The following KALRN variants were observed in gnomAD, a reference collection of about 807,000 sequenced individuals.
KALRN encodes kalirin.
Under a neutral mutation model 353.7 loss-of-function variants are expected in KALRN, and 70 were observed. The ratio of observed to expected loss-of-function variants is 0.20; its 90% confidence interval spans 0.16 to 0.24. The LOEUF (loss-of-function observed/expected upper bound fraction) is 0.24. Ranked by LOEUF, KALRN falls within the 10% of genes least tolerant of loss-of-function variation. KALRN has a pLI of 1.00. For synonymous variants in KALRN, 1,391 were observed against 1,434.8 expected (o/e 0.97, Z 0.69); for missense variants, 2,791 against 3,756.7 (o/e 0.74, Z 6.72).
At chr3:124,572,855 G>A (rs2073695473) in intron 34 of KALRN, among the ~76,000 whole-genome samples, 1 of 152,104 alleles carries the variant, frequency 6.6e-6, no homozygotes, top group Admixed American at 6.5e-5. Flanking sequence ...CTGGGCAACA[G>A]AGCGAGACCC....
intron 4 of KALRN, among the ~76,000 whole-genome samples, chr3:124,267,302 T>G (rs1250415984): frequency 6.6e-6 from 1 of 152,218 alleles, no homozygotes; most frequent in Admixed American, 6.5e-5. Flanking sequence ...TCAAGTTTAA[T>G]GCACACAAAT....
At chr3:124,464,971 C>T (rs886340882) in intron 25 of KALRN, among the ~76,000 whole-genome samples, 14 of 151,724 alleles carry the variant, frequency 9.2e-5, no homozygotes, top group Non-Finnish European at 1.8e-4. Context: ...GCATAGCATA[C>T]TTAATATTAG....
At chr3:124,285,603 C>G (rs1260973522) in intron 5 of KALRN, among the ~76,000 whole-genome samples, 1 of 152,058 alleles carries the variant, frequency 6.6e-6, no homozygotes, top group Non-Finnish European at 1.5e-5. Context: ...TGGCATGATC[C>G]CAGCTCACTG....
chr3:124,707,785 C>A (rs1180613514), intron 57 of KALRN, among the ~76,000 whole-genome samples: 1 of 152,132 alleles, frequency 6.6e-6, no homozygotes, highest in African/African-American at 2.4e-5. Context: ...TCTGGCCAGA[C>A]AACTTCAAAA....
intron 5 of KALRN, among the ~76,000 whole-genome samples, chr3:124,279,782 C>G (rs2075159334): frequency 6.6e-6 from 1 of 152,238 alleles, no homozygotes; most frequent in Admixed American, 6.5e-5. Flanking sequence ...CATGTTGGAG[C>G]AGAGGGCACC....
At chr3:124,547,191 G>T (rs981464631) in intron 33 of KALRN, among the ~76,000 whole-genome samples, 1 of 151,952 alleles carries the variant, frequency 6.6e-6, no homozygotes, top group Non-Finnish European at 1.5e-5. Flanking sequence ...TAGAGGCAAG[G>T]ATCTCACTGT....
chr3:124,407,947 G>A (rs1301965919), intron 13 of KALRN, among the ~76,000 whole-genome samples: 1 of 151,920 alleles, frequency 6.6e-6, no homozygotes, highest in Admixed American at 6.6e-5. Context: ...TATTTTTTTT[G>A]TATTTTTAGT....
chr3:124,125,930 T>C (rs1157674722), intron 1 of KALRN, among the ~76,000 whole-genome samples: 1 of 152,174 alleles, frequency 6.6e-6, no homozygotes, highest in Admixed American at 6.5e-5. Context: ...AGGCTGCGTC[T>C]TGGTTTGCGT....
chr3:124,656,020 AG>A (rs2083979085), intron 39 of KALRN, among the ~76,000 whole-genome samples: 1 of 152,230 alleles, frequency 6.6e-6, no homozygotes, highest in Non-Finnish European at 1.5e-5. Flanking sequence ...TGAGCCACAT[AG>A]GCATAAAACA....
At chr3:124,061,148 C>T (rs985759478) in intron 1 of KALRN, among the ~76,000 whole-genome samples, 5 of 152,184 alleles carry the variant, frequency 3.3e-5, no homozygotes, top group African/African-American at 9.7e-5. Flanking sequence ...GGCAGATACA[C>T]GAGGGGAATT....
intron 1 of KALRN, among the ~76,000 whole-genome samples, chr3:124,080,247 T>C (rs1398014514): frequency 6.6e-6 from 1 of 152,238 alleles, no homozygotes; most frequent in Non-Finnish European, 1.5e-5. Flanking sequence ...TTTCCCACAC[T>C]GTAAAACTTT....
At chr3:124,164,745 T>G (rs1414839858) in intron 1 of KALRN, 1 of 152,252 alleles carries the variant, frequency 6.6e-6, no homozygotes, top group African/African-American at 2.4e-5. Context: ...TTATATTTTA[T>G]TTCTTCTAAA....
In KALRN at chr3:124,264,662, A is replaced by C. The variant is rs774706026; in HGVS notation, c.428A>C (p.Asn143Thr). Reference protein sequence around the residue: ...PDNFWQKQKTNFGSSKFIFET... With the variant: ...PDNFWQKQKTTFGSSKFIFET... ...AACTTCTGGCAGAAACAGAAGACCA[A>C]CTTTGGCAGCTCCAAATTCATCTTT... is the stretch of plus-strand genomic sequence containing the variant. Residue 143 changes from asparagine (N) to threonine (T), a missense_variant, in exon 4 of 60, where the codon AAC (asparagine) becomes ACC (threonine). Coordinates refer to ENST00000682506, the MANE Select transcript of KALRN (RefSeq NM_001388419.1). The C allele has an allele frequency of 3.1e-6, 5 of 1,613,994 alleles. No individual in the cohort carries two copies. The East Asian group carries it at 1.1e-4, about 36-fold the overall frequency.
At chr3:124,494,576 T>C (rs1023497018) in intron 32 of KALRN, among the ~76,000 whole-genome samples, 7 of 152,266 alleles carry the variant, frequency 4.6e-5, no homozygotes, top group African/African-American at 1.7e-4. Context: ...TTCCTATGAA[T>C]GTGTGGCTTA....
chr3:124,659,435 C>T lies in KALRN; in HGVS notation c.6194C>T (p.Thr2065Ile), dbSNP rs772022707. Residue 2065 changes from threonine to isoleucine, a missense_variant, in exon 43 of 60, where the codon ACA becomes ATA. Thr to Ile is a moderately conservative substitution (Grantham distance 89). Around this residue, in one of 11 missense-constraint regions of KALRN, gnomAD observed 1,065 missense variants for 1,156.4 expected, o/e 0.92. Coordinates refer to ENST00000682506, the MANE Select transcript of KALRN (RefSeq NM_001388419.1). ...CTCATCAAGCCCATTCAGAGAATAA[C>T]AAAATACCAGTTGCTCCTCAAGGTA... Reference protein sequence around the residue: ...DFLIKPIQRITKYQLLLKDFL... With the variant: ...DFLIKPIQRIIKYQLLLKDFL... 6 of 1,612,926 alleles carry T rather than the reference C, an allele frequency of 3.7e-6. No homozygotes were observed. Among genetic ancestry groups the T allele is most frequent in the Non-Finnish European group, 5.1e-6 (6 of 1,178,978 alleles).
At chr3:124,683,777 A>G (rs2061440765) in intron 51 of KALRN, among the ~76,000 whole-genome samples, 1 of 152,200 alleles carries the variant, frequency 6.6e-6, no homozygotes, top group Non-Finnish European at 1.5e-5. Context: ...TGGGGAGTTA[A>G]AAACAGTGTT....
At chr3:124,704,828 G>A (rs11715641) in intron 57 of KALRN, among the ~76,000 whole-genome samples, 26,800 of 152,174 alleles carry the variant, frequency 0.18, 2,644 homozygotes, top group Middle Eastern at 0.28. Flanking sequence ...GGGATTACAG[G>A]CGTGAGCCAC....
chr3:124,270,873 A>G (rs979985101), intron 5 of KALRN, among the ~76,000 whole-genome samples: 5 of 130,228 alleles, frequency 3.8e-5, no homozygotes, highest in African/African-American at 1.4e-4. Flanking sequence ...TCTGTCGCCC[A>G]TGCTGAAGTG....
At chr3:124,342,130 A>G (rs977889004) in intron 9 of KALRN, among the ~76,000 whole-genome samples, 1 of 150,900 alleles carries the variant, frequency 6.6e-6, no homozygotes, top group Non-Finnish European at 1.5e-5. Context: ...GGTTAATTTC[A>G]TTTAAGTCTG....
Sources: gnomAD v4.1 joint callset for allele counts (sites outside exome capture counted in the v4.1 genomes callset) on GRCh38, gnomAD v4.1.1 for gene constraint, gnomAD v4.1.1 regional missense constraint, MANE v1.5 for transcripts, NCBI Gene and HGNC (gene_info 2026-07-23, HGNC 2026-07-21) for gene names.